Variants in TRPM3 observed in about 807,000 individuals in gnomAD.
TRPM3 encodes the protein transient receptor potential cation channel subfamily M member 3.
TRPM3 carries 77 observed loss-of-function variants against 181.2 expected under a neutral mutation model. That is an observed-to-expected ratio of 0.42 (90% CI 0.35 to 0.51). TRPM3 has a LOEUF of 0.51. Ranked by LOEUF, TRPM3 falls within the 20% of genes least tolerant of loss-of-function variation. TRPM3 has a pLI of 0.01. For missense variants in TRPM3, 1,759 were observed against 2,196.7 expected (o/e 0.80, Z 3.98); for synonymous variants, 745 against 796.4 (o/e 0.94, Z 1.09).
intron 6 of TRPM3, among the ~76,000 whole-genome samples, chr9:70,807,835 G>T (rs1017966240): frequency 3.9e-5 from 6 of 152,144 alleles, no homozygotes; most frequent in Admixed American, 2.6e-4. Context: ...GGATACCAGG[G>T]TATGAGCTGG....
chr9:70,683,475 A>ATTTTTTT, intron 8 of TRPM3, among the ~76,000 whole-genome samples: 2 of 61,602 alleles, frequency 3.2e-5, no homozygotes, highest in Non-Finnish European at 5.9e-5. Flanking sequence ...ATGGGGTTTC[A>ATTTTTTT]TTATGTTGCC....
intron 1 of TRPM3, among the ~76,000 whole-genome samples, chr9:71,027,082 G>C (rs1220429542): frequency 2.6e-5 from 4 of 152,136 alleles, no homozygotes; most frequent in African/African-American, 9.7e-5. Context: ...GTTGTGACCA[G>C]CAGTCTGGGA....
intron 1 of TRPM3, among the ~76,000 whole-genome samples, chr9:71,257,314 T>C (rs2082733481): frequency 6.6e-6 from 1 of 151,744 alleles, no homozygotes; most frequent in Non-Finnish European, 1.5e-5. Flanking sequence ...AGATGATAGG[T>C]TGGTAGAGTG....
At position 71,349,998 on chromosome 9, in the gene TRPM3, TATATGG is replaced by T. The variant is rs1397791048; in HGVS notation, c.183+96649_183+96654del. On this transcript the variant is annotated intron_variant, in intron 1 of 24. Transcript: ENST00000357533. ...ATATATATATATATATATATATATA[TATATGG>T]GCCTAAAAAATGACCTGTGTAGAAG... Among the ~76,000 whole-genome samples, 12 of 13,852 alleles carry T rather than the reference TATATGG, an allele frequency of 8.7e-4. No homozygotes were observed. The East Asian group carries it at 0.022, about 25-fold the overall frequency. The allele number at this position is 13,852 out of a possible 152,430, so 9.1% of individuals were successfully genotyped here. A position where few individuals can be genotyped will look rare whatever the true frequency, so the allele number is the denominator to read the frequency against.
At chr9:70,885,362 A>T (rs1192897004) in intron 1 of TRPM3, among the ~76,000 whole-genome samples, 1 of 152,124 alleles carries the variant, frequency 6.6e-6, no homozygotes, top group Non-Finnish European at 1.5e-5. Flanking sequence ...GTCTCTAATC[A>T]TTGCCAAATG....
intron 1 of TRPM3, among the ~76,000 whole-genome samples, chr9:70,979,718 A>C (rs1265947430): frequency 6.6e-6 from 1 of 152,166 alleles, no homozygotes; most frequent in Non-Finnish European, 1.5e-5. Context: ...ATAAAATATC[A>C]AAGATTGGGT....
chr9:71,119,281 G>A (rs2073107296), intron 1 of TRPM3, among the ~76,000 whole-genome samples: 1 of 151,974 alleles, frequency 6.6e-6, no homozygotes, highest in Non-Finnish European at 1.5e-5. Flanking sequence ...AAAATGGGAA[G>A]GACACACAGT....
Position 70,863,099 on chromosome 9 carries a change from G to A in TRPM3, c.271C>T (p.Arg91Cys), listed in dbSNP as rs558149406. 1.5e-5 allele frequency: 25 copies of A among 1,613,128 alleles called. No homozygotes were observed. Among genetic ancestry groups the A allele is most frequent in the South Asian group, 9.9e-5 (9 of 91,028 alleles). The change falls in exon 3 of 26, where the codon CGT (arginine) becomes TGT (cysteine). Residue 91 changes from arginine to cysteine, a missense_variant. Physicochemically the swap from Arg to Cys is radical, Grantham distance 180. Around this residue, in one of 8 missense-constraint regions of TRPM3, gnomAD observed 737 missense variants for 957.4 expected, o/e 0.77. Coordinates refer to ENST00000677713, the MANE Select transcript of TRPM3 (RefSeq NM_001366145.2). ...AGGCCAACATGCTGGCCTATCAGAC[G>A]CCCACAGCAACACCTATAACAGAAG... ...TKDPHRCCCG[R>C]LIGQHVGLTP...
chr9:70,914,305 C>T (rs1301999529), intron 1 of TRPM3, among the ~76,000 whole-genome samples: 4 of 152,202 alleles, frequency 2.6e-5, no homozygotes, highest in Non-Finnish European at 5.9e-5. Context: ...CCTCACAATA[C>T]ACTGAACTTT....
chr9:70,554,820 A>G (rs4744603), intron 22 of TRPM3, among the ~76,000 whole-genome samples: 83,335 of 152,056 alleles, frequency 0.55, 23,106 homozygotes, highest in East Asian at 0.73. Flanking sequence ...AAAGAGGACC[A>G]AAGTGCTTCC....
intron 1 of TRPM3, among the ~76,000 whole-genome samples, chr9:71,385,210 TC>T (rs1397485352): frequency 6.6e-6 from 1 of 152,190 alleles, no homozygotes; most frequent in Non-Finnish European, 1.5e-5. Context: ...GAATAACACC[TC>T]CATATTTGTC....
chr9:70,742,428 C>T (rs2074330454), intron 8 of TRPM3, among the ~76,000 whole-genome samples: 1 of 151,876 alleles, frequency 6.6e-6, no homozygotes, highest in African/African-American at 2.4e-5. Context: ...TTTATCATTG[C>T]TCTGTGTTGG....
At chr9:71,224,033 T>G (rs2080415555) in intron 1 of TRPM3, among the ~76,000 whole-genome samples, 1 of 152,110 alleles carries the variant, frequency 6.6e-6, no homozygotes, top group African/African-American at 2.4e-5. Context: ...TCCTAGGGCT[T>G]TAAGTAAACA....
chr9:70,960,458 A>G (rs958678719), intron 1 of TRPM3, among the ~76,000 whole-genome samples: 1 of 151,904 alleles, frequency 6.6e-6, no homozygotes, highest in African/African-American at 2.4e-5. Flanking sequence ...TGATTGGAAA[A>G]CCTTCTGGGA....
intron 1 of TRPM3, among the ~76,000 whole-genome samples, chr9:71,155,821 A>C (rs2075974609): frequency 6.6e-6 from 1 of 152,148 alleles, no homozygotes; most frequent in Non-Finnish European, 1.5e-5. Context: ...ATGTAATCAA[A>C]AATTTTCAGG....
intron 1 of TRPM3, among the ~76,000 whole-genome samples, chr9:71,034,753 A>G (rs1590848052): frequency 7.3e-6 from 1 of 136,630 alleles, no homozygotes; most frequent in Non-Finnish European, 1.6e-5. Context: ...GGTCTTTACT[A>G]TTTTTTTTTT....
chr9:70,851,762 GGTC>G (rs2095238406), intron 3 of TRPM3, among the ~76,000 whole-genome samples: 1 of 152,084 alleles, frequency 6.6e-6, no homozygotes, highest in South Asian at 2.1e-4. Context: ...CAGTAGGTGA[GGTC>G]ACACTACTCG....
At position 71,243,639 on chromosome 9, in the gene TRPM3, T is replaced by A. The variant is rs537281198; in HGVS notation, c.183+203014A>T. ...AATAAATATATTTTAAACAAATGAA[T>A]AGAAGAATAAATTATTATTATTAGC... is the stretch of plus-strand genomic sequence containing the variant. On this transcript the variant is annotated intron_variant, in intron 1 of 24. Coordinates refer to the TRPM3 transcript ENST00000357533. 3.9e-5 allele frequency among the ~76,000 whole-genome samples: 6 copies of A among 152,310 alleles called. No homozygotes were observed. In the East Asian group the frequency reaches 1.2e-3, roughly 29 times the overall value.
At chr9:71,162,252 T>C (rs992859946) in intron 1 of TRPM3, among the ~76,000 whole-genome samples, 2 of 149,456 alleles carry the variant, frequency 1.3e-5, no homozygotes, top group African/African-American at 4.9e-5. Flanking sequence ...AGGAAATAGC[T>C]GCATTGTGGA....
Sources: allele counts gnomAD v4.1 joint callset (sites outside exome capture counted in the v4.1 genomes callset), GRCh38; gene constraint gnomAD v4.1.1; regional missense constraint gnomAD v4.1.1; transcripts MANE v1.5; gene names NCBI Gene and HGNC (gene_info 2026-07-23, HGNC 2026-07-21).